The following SLC26A7 variants were observed in gnomAD, a reference collection of about 807,000 sequenced individuals.
The protein encoded by SLC26A7 is anion exchange transporter.
A neutral mutation model predicts 82.5 loss-of-function variants in SLC26A7; 59 were observed. That is an observed-to-expected ratio of 0.72 (90% CI 0.58 to 0.89). The LOEUF (loss-of-function observed/expected upper bound fraction) is 0.89. Among genes scored for constraint, SLC26A7 ranks in the 40% least tolerant of loss-of-function variants. SLC26A7 has a pLI of 0.00. For missense variants in SLC26A7, 820 were observed against 793.0 expected (o/e 1.03, Z -0.41); for synonymous variants, 271 against 274.3 (o/e 0.99, Z 0.12).
intron 13 of SLC26A7, among the ~76,000 whole-genome samples, chr8:91,363,941 G>GTTTTTTTTTTTT (rs5893169): frequency 7.4e-6 from 1 of 135,692 alleles, no homozygotes. Flanking sequence ...TCATGGTATT[G>GTTTTTTTTTTTT]TTTTTTTTTT....
At chr8:91,233,651 TCAGA>T (rs1376315070) in intron 2 of SLC26A7, among the ~76,000 whole-genome samples, 5 of 152,116 alleles carry the variant, frequency 3.3e-5, no homozygotes, top group Non-Finnish European at 7.4e-5. Flanking sequence ...ATCTCACCTT[TCAGA>T]CAAATATGTT....
chr8:91,319,297 G>T (rs1226074038), intron 5 of SLC26A7, among the ~76,000 whole-genome samples: 1 of 151,958 alleles, frequency 6.6e-6, no homozygotes, highest in Non-Finnish European at 1.5e-5. Context: ...AGATCAAAGG[G>T]GTATAAATTT....
At chr8:91,377,571 T>G (rs941176070) in intron 15 of SLC26A7, among the ~76,000 whole-genome samples, 15 of 152,292 alleles carry the variant, frequency 9.8e-5, no homozygotes, top group African/African-American at 3.6e-4. Flanking sequence ...GGTGCCATCT[T>G]AGCTTAGATC....
At position 91,396,815 on chromosome 8, in the gene SLC26A7, A is replaced by G. The variant is rs1808584866; in HGVS notation, c.*1718A>G. On this transcript the variant is annotated 3_prime_UTR_variant, in exon 19 of 19. Transcript: ENST00000276609. ...TGCTTTGTCCAATTAAATTATTCCA[A>G]TGGCGGATGGTAATATTCACCATCT... is the stretch of plus-strand genomic sequence containing the variant. 1.3e-5 allele frequency: 2 copies of G among 152,042 alleles called. No homozygotes were observed. The highest frequency in any genetic ancestry group is 2.1e-4 in the South Asian group (1 of 4,834). The allele number at this position is 152,042 out of a possible 1,614,324, so 9.4% of individuals were successfully genotyped here.
chr8:91,339,215 G>A (rs1042686870), intron 7 of SLC26A7, among the ~76,000 whole-genome samples: 44 of 152,102 alleles, frequency 2.9e-4, no homozygotes, highest in Middle Eastern at 3.4e-3. Context: ...ATGGTTTTGT[G>A]TAGCATAATA....
intron 2 of SLC26A7, among the ~76,000 whole-genome samples, chr8:91,253,546 A>C (rs1264351270): frequency 6.6e-6 from 1 of 152,132 alleles, no homozygotes. Context: ...GATCCTGTTC[A>C]GAATTATTTA....
At chr8:91,262,192 C>T (rs145008191) in intron 2 of SLC26A7, among the ~76,000 whole-genome samples, 5 of 152,044 alleles carry the variant, frequency 3.3e-5, no homozygotes, top group African/African-American at 9.6e-5. Context: ...GATTTAGGTC[C>T]GGTTTGAGGA....
At chr8:91,324,472 G>T (rs567796197) in intron 5 of SLC26A7, among the ~76,000 whole-genome samples, 1 of 152,158 alleles carries the variant, frequency 6.6e-6, no homozygotes, top group South Asian at 2.1e-4. Flanking sequence ...TGCCTTAATT[G>T]TCCAACAGAA....
rs138008261 is a variant in SLC26A7 at position 91,332,965 on chromosome 8, C to G, written c.643-1330C>G. Among the ~76,000 whole-genome samples, 432 of 152,176 alleles carry G rather than the reference C, an allele frequency of 2.8e-3. 1 individual carries two copies. The highest frequency in any genetic ancestry group is 9.9e-3 in the African/African-American group (411 of 41,528). On this transcript the variant is annotated intron_variant, in intron 5 of 18. Transcript: ENST00000276609. ...TTAATATTCTGTATGAATTTGAGAACCACTATGTTAAATTTCCAGACAACA... is the reference window on the plus strand; with the variant it reads ...TTAATATTCTGTATGAATTTGAGAAGCACTATGTTAAATTTCCAGACAACA...
chr8:91,212,232 C>A (rs1414133840), intron 1 of SLC26A7, among the ~76,000 whole-genome samples: 5 of 152,082 alleles, frequency 3.3e-5, no homozygotes, highest in African/African-American at 4.8e-5. Flanking sequence ...TGACTTAGAC[C>A]TAACCTAAAT....
intron 2 of SLC26A7, among the ~76,000 whole-genome samples, chr8:91,232,442 TC>T (rs1810322188): frequency 6.6e-6 from 1 of 152,210 alleles, no homozygotes. Context: ...ACAAAAAAAG[TC>T]CTTTTCCACT....
At chr8:91,377,301 C>A (rs542356167) in intron 15 of SLC26A7, among the ~76,000 whole-genome samples, 1 of 152,108 alleles carries the variant, frequency 6.6e-6, no homozygotes, top group African/African-American at 2.4e-5. Flanking sequence ...CTGGTGCTGC[C>A]CCCTTTCAGT....
At chr8:91,222,324 T>C (rs1274096583) in intron 2 of SLC26A7, among the ~76,000 whole-genome samples, 2 of 152,176 alleles carry the variant, frequency 1.3e-5, no homozygotes, top group Non-Finnish European at 2.9e-5. Context: ...CAGAAACAAC[T>C]TGACTTCCTC....
At chr8:91,334,190 A>C in intron 5 of SLC26A7, 105 bp from the exon 6 acceptor site, 1 of 1,077,318 alleles carries the variant, frequency 9.3e-7, no homozygotes, top group Admixed American at 2.5e-5. Context: ...CCTAGCCATT[A>C]AGATAGTTTT....
chr8:91,235,662 A>G (rs1810384519), intron 2 of SLC26A7, among the ~76,000 whole-genome samples: 1 of 152,206 alleles, frequency 6.6e-6, no homozygotes, highest in Non-Finnish European at 1.5e-5. Flanking sequence ...GTTCTTTAAA[A>G]GGACTGATTT....
intron 1 of SLC26A7, among the ~76,000 whole-genome samples, chr8:91,218,681 A>T (rs1283573233): frequency 6.6e-6 from 1 of 152,118 alleles, no homozygotes; most frequent in East Asian, 1.9e-4. Flanking sequence ...ATCTTTCATC[A>T]TTTGGATTTT....
chr8:91,378,189 A>T (rs1158263706), intron 15 of SLC26A7, among the ~76,000 whole-genome samples: 1 of 151,854 alleles, frequency 6.6e-6, no homozygotes, highest in Non-Finnish European at 1.5e-5. Flanking sequence ...AAGGGAGCAA[A>T]CAAGGGAGGG....
intron 2 of SLC26A7, among the ~76,000 whole-genome samples, chr8:91,271,891 G>A (rs1811282737): frequency 6.6e-6 from 1 of 152,166 alleles, no homozygotes; most frequent in Non-Finnish European, 1.5e-5. Flanking sequence ...ACAGCGCCCG[G>A]CCGAGAAATC....
At chr8:91,319,328 A>G (rs1401106043) in intron 5 of SLC26A7, among the ~76,000 whole-genome samples, 3 of 152,220 alleles carry the variant, frequency 2.0e-5, no homozygotes, top group African/African-American at 7.2e-5. Context: ...AGATGTATCC[A>G]TTAATATTTT....
Sources: allele counts gnomAD v4.1 joint callset (sites outside exome capture counted in the v4.1 genomes callset), GRCh38; gene constraint gnomAD v4.1.1; transcripts MANE v1.5; gene names NCBI Gene and HGNC (gene_info 2026-07-23, HGNC 2026-07-21).